The following UNC13C variants were observed in gnomAD, a reference collection of about 807,000 sequenced individuals.
UNC13C encodes the protein unc-13 homolog C.
In UNC13C, 174 loss-of-function variants were observed where a neutral mutation model predicts 245.4. The ratio of observed to expected loss-of-function variants is 0.71; its 90% CI spans 0.63 to 0.80. The LOEUF (loss-of-function observed/expected upper bound fraction) is 0.80, where lower values mean the gene tolerates loss of function less well. Ranked by LOEUF, UNC13C falls within the 30% of genes least tolerant of loss-of-function variation. UNC13C has a pLI of 0.00. For missense variants in UNC13C, 2,829 were observed against 2,602.9 expected (o/e 1.09, Z -1.89); for synonymous variants, 992 against 895.1 (o/e 1.11, Z -1.93).
At chr15:54,122,938 G>T (rs965987057) in intron 2 of UNC13C, among the ~76,000 whole-genome samples, 1 of 151,984 alleles carries the variant, frequency 6.6e-6, no homozygotes, top group African/African-American at 2.4e-5. Flanking sequence ...GTATTCATGT[G>T]AACATGTATT....
chr15:54,070,132 G>A (rs1035668024), intron 2 of UNC13C, among the ~76,000 whole-genome samples: 1 of 152,160 alleles, frequency 6.6e-6, no homozygotes, highest in Non-Finnish European at 1.5e-5. Flanking sequence ...TCTCCCACCG[G>A]CAATGAAGAA....
chr15:54,204,521 G>T (rs1030722132), intron 4 of UNC13C, among the ~76,000 whole-genome samples: 3 of 151,904 alleles, frequency 2.0e-5, no homozygotes, highest in Admixed American at 2.0e-4. Context: ...AGGATAACCA[G>T]ATATAAAGTA....
At chr15:54,301,535 A>G (rs1386418491) in intron 13 of UNC13C, among the ~76,000 whole-genome samples, 1 of 151,996 alleles carries the variant, frequency 6.6e-6, no homozygotes, top group Non-Finnish European at 1.5e-5. Context: ...GAGAACATGC[A>G]GTGTTTGGTT....
chr15:54,312,644 G>A (rs1291712411), intron 13 of UNC13C, among the ~76,000 whole-genome samples: 4 of 151,710 alleles, frequency 2.6e-5, no homozygotes, highest in African/African-American at 9.7e-5. Flanking sequence ...AATCTTGGGA[G>A]TTTTATGCTC....
chr15:54,496,534 G>A (rs1412796402), intron 20 of UNC13C, among the ~76,000 whole-genome samples: 3 of 152,032 alleles, frequency 2.0e-5, no homozygotes, highest in East Asian at 3.8e-4. Context: ...TTTCAAAAAT[G>A]TGGAACCAGC....
At chr15:54,384,607 G>A (rs1042658752) in intron 17 of UNC13C, among the ~76,000 whole-genome samples, 3 of 152,050 alleles carry the variant, frequency 2.0e-5, no homozygotes, top group African/African-American at 7.2e-5. Context: ...TCTAGGGAAA[G>A]ATTTTATGGC....
At chr15:54,030,449 C>T (rs149899130) in intron 2 of UNC13C, among the ~76,000 whole-genome samples, 104 of 152,212 alleles carry the variant, frequency 6.8e-4, no homozygotes, top group African/African-American at 2.4e-3. Flanking sequence ...TGTGAGAGAA[C>T]TTAGAGATAA....
chr15:54,352,351 T>G (rs12903670), intron 17 of UNC13C, among the ~76,000 whole-genome samples: 74 of 133,968 alleles, frequency 5.5e-4, no homozygotes, highest in East Asian at 1.3e-3. Context: ...TATATATATA[T>G]ATAGAGAGAG....
upstream of UNC13C, among the ~76,000 whole-genome samples, chr15:53,976,457 T>C (rs8030160): frequency 0.39 from 38,754 of 99,024 alleles, 8,485 homozygotes; most frequent in Non-Finnish European, 0.53. Flanking sequence ...TTTTTCTTCT[T>C]TCTCTCTCTC....
intron 19 of UNC13C, among the ~76,000 whole-genome samples, chr15:54,460,614 G>C (rs1891789073): frequency 6.6e-6 from 1 of 152,180 alleles, no homozygotes; most frequent in Non-Finnish European, 1.5e-5. Flanking sequence ...TAAGTACTTG[G>C]GTTTCTCAGG....
chr15:54,109,602 A>G (rs1900660974), intron 2 of UNC13C, among the ~76,000 whole-genome samples: 1 of 151,980 alleles, frequency 6.6e-6, no homozygotes, highest in African/African-American at 2.4e-5. Flanking sequence ...TCGGCCTCCC[A>G]AAGTACTGGG....
intron 28 of UNC13C, among the ~76,000 whole-genome samples, chr15:54,552,705 AAT>A (rs1566905166): frequency 1.1e-5 from 1 of 88,056 alleles, no homozygotes; most frequent in African/African-American, 4.7e-5. Flanking sequence ...TATTATATAT[AAT>A]TATATTATAT....
intron 19 of UNC13C, among the ~76,000 whole-genome samples, chr15:54,453,111 T>C (rs2414313): frequency 0.15 from 22,289 of 152,172 alleles, 1,664 homozygotes; most frequent in Non-Finnish European, 0.17. Flanking sequence ...TCTCTCTCTC[T>C]AAAGCAATGC....
intron 4 of UNC13C, among the ~76,000 whole-genome samples, chr15:54,155,218 C>T (rs999836992): frequency 2.6e-5 from 4 of 152,184 alleles, no homozygotes; most frequent in African/African-American, 9.7e-5. Context: ...TTTCTGGAGG[C>T]TCTTTGGCTA....
chr15:54,413,837 G>C (rs2040464181), intron 18 of UNC13C, among the ~76,000 whole-genome samples: 1 of 152,096 alleles, frequency 6.6e-6, no homozygotes, highest in Non-Finnish European at 1.5e-5. Flanking sequence ...CCCAAATGTG[G>C]ATGAATGTGA....
At chr15:54,437,206 C>T (rs1044459857) in intron 19 of UNC13C, among the ~76,000 whole-genome samples, 1 of 151,908 alleles carries the variant, frequency 6.6e-6, no homozygotes. Flanking sequence ...GTTGGCAAAT[C>T]CCCAGAAAGT....
intron 10 of UNC13C, among the ~76,000 whole-genome samples, chr15:54,288,403 A>T (rs779035202): frequency 1.2e-4 from 19 of 152,176 alleles, no homozygotes; most frequent in Non-Finnish European, 2.8e-4. Context: ...ATGAAAAGTC[A>T]TTCCATTATC....
At chr15:54,350,942 A>C (rs1486185926) in intron 17 of UNC13C, among the ~76,000 whole-genome samples, 2 of 152,048 alleles carry the variant, frequency 1.3e-5, no homozygotes, top group African/African-American at 4.8e-5. Context: ...TTTGGAACAT[A>C]TAATATTTCA....
At chr15:54,356,752 G>A (rs1396241164) in intron 17 of UNC13C, among the ~76,000 whole-genome samples, 1 of 152,072 alleles carries the variant, frequency 6.6e-6, no homozygotes, top group Non-Finnish European at 1.5e-5. Context: ...ATGATTTTTT[G>A]TGGGATACCC....
Sources: gnomAD v4.1 joint callset for allele counts (sites outside exome capture counted in the v4.1 genomes callset) on GRCh38, gnomAD v4.1.1 for gene constraint, MANE v1.5 for transcripts, NCBI Gene and HGNC (gene_info 2026-07-23, HGNC 2026-07-21) for gene names.